The following ATXN1 variants were observed in gnomAD, a reference collection of about 807,000 sequenced individuals.
ATXN1 encodes the protein ataxin 1, also known as ataxin-1.
Under a neutral mutation model 56.4 loss-of-function variants are expected in ATXN1, and 8 were observed. That is an observed-to-expected ratio of 0.14 (90% CI 0.08 to 0.26). The LOEUF (loss-of-function observed/expected upper bound fraction) is 0.26, where lower values mean the gene tolerates loss of function less well. Among genes scored for constraint, ATXN1 ranks in the 10% least tolerant of loss-of-function variants. ATXN1 has a pLI of 1.00. For missense variants in ATXN1, 987 were observed against 1,106.5 expected (o/e 0.89, Z 1.53); for synonymous variants, 514 against 494.6 (o/e 1.04, Z -0.52).
intron 6 of ATXN1, among the ~76,000 whole-genome samples, chr6:16,419,081 T>C (rs1193946337): frequency 6.6e-6 from 1 of 152,178 alleles, no homozygotes; most frequent in East Asian, 1.9e-4. Context: ...AGGGTAATGA[T>C]GGTACATATG....
chr6:16,341,904 C>T (rs1327869277), intron 6 of ATXN1, among the ~76,000 whole-genome samples: 1 of 108,132 alleles, frequency 9.2e-6, no homozygotes, highest in Non-Finnish European at 1.7e-5. Context: ...TTTTTTGAGA[C>T]GGAGTCTCGC....
chr6:16,342,850 G>C (rs1016002566), intron 6 of ATXN1, among the ~76,000 whole-genome samples: 1 of 152,184 alleles, frequency 6.6e-6, no homozygotes, highest in South Asian at 2.1e-4. Flanking sequence ...TAGAACAGGC[G>C]TTAGCAGGAG....
At chr6:16,345,479 C>T (rs760948902) in intron 6 of ATXN1, among the ~76,000 whole-genome samples, 6 of 152,264 alleles carry the variant, frequency 3.9e-5, no homozygotes, top group Admixed American at 1.3e-4. Context: ...CTAAATCAAT[C>T]GTAGGAAGGA....
intron 4 of ATXN1, among the ~76,000 whole-genome samples, chr6:16,526,535 C>A (rs1183798164): frequency 6.6e-6 from 1 of 152,028 alleles, no homozygotes; most frequent in Non-Finnish European, 1.5e-5. Context: ...GAGGCCAAGG[C>A]GGGTGGATTA....
intron 7 of ATXN1, among the ~76,000 whole-genome samples, chr6:16,321,632 G>A (rs1452309110): frequency 3.3e-5 from 5 of 152,332 alleles, no homozygotes; most frequent in East Asian, 1.9e-4. Context: ...ACATTGCCTC[G>A]TCTGGAGCGT....
chr6:16,430,204 T>C (rs1381867173), intron 6 of ATXN1, among the ~76,000 whole-genome samples: 1 of 152,068 alleles, frequency 6.6e-6, no homozygotes, highest in Non-Finnish European at 1.5e-5. Context: ...TCCACTAGTA[T>C]ACTCCAAGAT....
chr6:16,398,111 T>G (rs1050269961), intron 6 of ATXN1, among the ~76,000 whole-genome samples: 5 of 152,166 alleles, frequency 3.3e-5, no homozygotes, highest in Admixed American at 3.3e-4. Context: ...AAGGTCAACA[T>G]CTGGGCTCAC....
intron 4 of ATXN1, among the ~76,000 whole-genome samples, chr6:16,532,033 A>T (rs1258761607): frequency 6.6e-6 from 1 of 152,208 alleles, no homozygotes; most frequent in Non-Finnish European, 1.5e-5. Flanking sequence ...CAACTACTCA[A>T]TCTGTCATTG....
chr6:16,497,228 C>G (rs556026825), intron 5 of ATXN1, among the ~76,000 whole-genome samples: 2 of 151,432 alleles, frequency 1.3e-5, no homozygotes, highest in Non-Finnish European at 1.5e-5. Context: ...TGTGGGAGGA[C>G]AGAAAATGCT....
chr6:16,373,730 T>G lies in ATXN1; in HGVS notation c.-160-45260A>C, dbSNP rs151136530. ...TCTCATTTTCTCTTGCCTGCTGCCA[T>G]GTAAGACATGCCTTTTGCCTTCCAC... is the stretch of plus-strand genomic sequence containing the variant. On this transcript the variant is annotated intron_variant, in intron 6 of 7. Coordinates refer to ENST00000436367, the MANE Select transcript of ATXN1 (RefSeq NM_001128164.2). Among the ~76,000 whole-genome samples, 1,169 of 152,330 alleles carry G rather than the reference T, an allele frequency of 7.7e-3. 9 individuals are homozygous for G. The highest frequency in any genetic ancestry group is 9.3e-3 in the Non-Finnish European group (632 of 68,016).
chr6:16,466,650 G>A (rs1188882943), intron 6 of ATXN1, among the ~76,000 whole-genome samples: 2 of 152,140 alleles, frequency 1.3e-5, no homozygotes, highest in Non-Finnish European at 2.9e-5. Context: ...TTTCGGAAAA[G>A]TAGATCAAGC....
chr6:16,747,376 C>T (rs181709873), intron 2 of ATXN1, among the ~76,000 whole-genome samples: 63 of 152,170 alleles, frequency 4.1e-4, no homozygotes, highest in Non-Finnish European at 4.4e-4. Context: ...ACAAGCCCAT[C>T]GCTGTTAAGT....
intron 6 of ATXN1, among the ~76,000 whole-genome samples, chr6:16,372,983 GGTAGAGTAGAGAAT>G (rs2113493374): frequency 1.0e-5 from 1 of 99,898 alleles, no homozygotes; most frequent in South Asian, 2.9e-4. Context: ...ATGAACCTGT[GGTAGAGTAGAGAAT>G]GTAGAGACAG....
At chr6:16,594,939 T>A (rs1015508789) in intron 3 of ATXN1, among the ~76,000 whole-genome samples, 2 of 152,210 alleles carry the variant, frequency 1.3e-5, no homozygotes, top group Admixed American at 6.5e-5. Context: ...CATTAACTAA[T>A]GACTTAGATT....
intron 3 of ATXN1, among the ~76,000 whole-genome samples, chr6:16,591,396 A>T (rs1762720156): frequency 6.6e-6 from 1 of 152,232 alleles, no homozygotes; most frequent in Non-Finnish European, 1.5e-5. Context: ...GGTAGAATAG[A>T]CAAAACCAAA....
chr6:16,606,507 T>G (rs1169638140), intron 3 of ATXN1, among the ~76,000 whole-genome samples: 1 of 137,380 alleles, frequency 7.3e-6, no homozygotes, highest in Non-Finnish European at 1.6e-5. Flanking sequence ...TTGTTTGTGG[T>G]TTTTTTGTTT....
At chr6:16,501,440 C>CTTAA (rs1760883485) in intron 5 of ATXN1, among the ~76,000 whole-genome samples, 1 of 152,136 alleles carries the variant, frequency 6.6e-6, no homozygotes, top group South Asian at 2.1e-4. Flanking sequence ...GCCCCTCATG[C>CTTAA]ATTAGGTATT....
At chr6:16,315,728 T>A (rs1760492941) in intron 7 of ATXN1, among the ~76,000 whole-genome samples, 1 of 152,148 alleles carries the variant, frequency 6.6e-6, no homozygotes, top group Non-Finnish European at 1.5e-5. Flanking sequence ...AGTAGCATGA[T>A]CATGGCTCAC....
chr6:16,752,429 C>T (rs1042871007), intron 2 of ATXN1, among the ~76,000 whole-genome samples: 3 of 152,086 alleles, frequency 2.0e-5, no homozygotes, highest in African/African-American at 7.2e-5. Context: ...TTTTTTTAAG[C>T]TCTCCAGGTG....
Sources: allele counts gnomAD v4.1 joint callset (sites outside exome capture counted in the v4.1 genomes callset), GRCh38; gene constraint gnomAD v4.1.1; transcripts MANE v1.5; gene names NCBI Gene and HGNC (gene_info 2026-07-23, HGNC 2026-07-21).